Variants in PDGFRB observed in about 807,000 individuals in gnomAD.
PDGFRB encodes the protein platelet derived growth factor receptor beta.
In PDGFRB, 42 loss-of-function variants were observed where a neutral mutation model predicts 120.2. The observed-to-expected ratio is 0.35, with a 90% CI of 0.27 to 0.45. The LOEUF is 0.45. PDGFRB is among the 20% of genes least tolerant of loss of function. PDGFRB has a pLI of 1.00. For missense variants in PDGFRB, 1,149 were observed against 1,476.3 expected (o/e 0.78, Z 3.63); for synonymous variants, 586 against 606.8 (o/e 0.97, Z 0.50).
chr5:150,118,224 C>G (rs1038561401), intron 21 of PDGFRB, among the ~76,000 whole-genome samples: 2 of 152,126 alleles, frequency 1.3e-5, no homozygotes, highest in Non-Finnish European at 2.9e-5. Context: ...CTGGGACCAT[C>G]CCCGGGGGGC....
At position 150,137,418 on chromosome 5, in the gene PDGFRB, C is replaced by G. The variant is rs558243316; in HGVS notation, c.-6-365G>C. 8 of 197,592 alleles carry G rather than the reference C, an allele frequency of 4.0e-5. No homozygotes were observed. In the South Asian group the frequency reaches 1.1e-3, roughly 27 times the overall value. The allele number at this position is 197,592 out of a possible 1,614,324, so 12.2% of individuals were successfully genotyped here. A position where few individuals can be genotyped will look rare whatever the true frequency, so the allele number is the denominator to read the frequency against. Reference sequence around the variant, plus strand: ...AGCCTACCAGCTCTGACAGCCTGTCCTCCGGGTGACAGTTCCAATACCAGG... The same window carrying G: ...AGCCTACCAGCTCTGACAGCCTGTCGTCCGGGTGACAGTTCCAATACCAGG... On this transcript the variant is annotated intron_variant, in intron 1 of 22. Coordinates refer to ENST00000261799, the MANE Select transcript of PDGFRB (RefSeq NM_002609.4).
intron 1 of PDGFRB, among the ~76,000 whole-genome samples, chr5:150,140,668 C>A (rs548540884): frequency 6.6e-6 from 1 of 151,502 alleles, no homozygotes; most frequent in Non-Finnish European, 1.5e-5. Flanking sequence ...TCTAGGGGAG[C>A]GGAGTAAGGA....
intron 1 of PDGFRB, 81 bp from the exon 2 acceptor site, chr5:150,137,134 A>G: frequency 8.1e-7 from 1 of 1,231,126 alleles, no homozygotes; most frequent in South Asian, 1.3e-5. Flanking sequence ...CTCCTGCAGA[A>G]TGAGCCCCAG....
intron 21 of PDGFRB, 85 bp from the exon 22 acceptor site, chr5:150,117,935 C>T: frequency 1.3e-6 from 1 of 758,338 alleles, no homozygotes; most frequent in Non-Finnish European, 2.2e-6. Context: ...AGCCCATCCC[C>T]CTTTGTATAA....
At chr5:150,130,783 G>A (rs1408778786) in intron 8 of PDGFRB, 121 bp from the exon 9 acceptor site, 2 of 807,630 alleles carry the variant, frequency 2.5e-6, no homozygotes, top group South Asian at 1.5e-5. Flanking sequence ...GACTGCAGGT[G>A]AACATTAAAT....
chr5:150,121,026 G>C lies in PDGFRB; in HGVS notation c.2464-16C>G, dbSNP rs780677295. 1.2e-6 allele frequency: 2 copies of C among 1,613,512 alleles called. No homozygotes were observed. The highest frequency in any genetic ancestry group is 4.5e-5 in the East Asian group (2 of 44,882). ...TGTGGACGCACTGGGTTTGGGGAGA[G>C]GGGAGCTGAGGCCTTGGGGACAATT... On this transcript the variant is annotated splice_polypyrimidine_tract_variant and intron_variant, in intron 17 of 22. Transcript: ENST00000261799. This position sits in a 1 kb window ranked among gnomAD's most constrained non-coding sequence, Gnocchi z 4.1.
At position 150,132,902 on chromosome 5, in the gene PDGFRB, T is replaced by C; in HGVS notation, c.975A>G (p.Leu325=). The C allele has an allele frequency of 1.3e-6, 2 of 1,584,860 alleles. No individual in the cohort carries two copies. The highest frequency in any genetic ancestry group is 8.6e-7 in the Non-Finnish European group (1 of 1,166,758). The change falls in exon 7 of 23, where the codon CTA becomes CTG. Residue 325 remains leucine (L), a synonymous_variant. Transcript: ENST00000261799. This position sits in a 1 kb window ranked among gnomAD's most constrained non-coding sequence, Gnocchi z 5.0. Reference sequence around the variant, plus strand: ...GGCTCCGATGCAGCTCAGCAAATTGTAGTGTGCCCACCTCTCCCAGGAGCC... The same window carrying C: ...GGCTCCGATGCAGCTCAGCAAATTGCAGTGTGCCCACCTCTCCCAGGAGCC... ...YVRLLGEVGT[L]QFAELHRSRT... is the part of the protein sequence containing the mutation.
chr5:150,147,561 G>A (rs73277765), intron 1 of PDGFRB, among the ~76,000 whole-genome samples: 3,617 of 152,336 alleles, frequency 0.024, 170 homozygotes, highest in African/African-American at 0.083. Flanking sequence ...CCCAGGGCCT[G>A]CAAATAGGGG....
chr5:150,115,647 A>G lies in PDGFRB; in HGVS notation c.*116T>C, dbSNP rs1759903710. ...ACGTCAGGAGCAGAAAGCTTCCAGAAGGGGACAGCTGATAAGGGCAGCCTG... is the reference window on the plus strand; with the variant it reads ...ACGTCAGGAGCAGAAAGCTTCCAGAGGGGGACAGCTGATAAGGGCAGCCTG... On this transcript the variant is annotated 3_prime_UTR_variant, in exon 23 of 23. Coordinates refer to ENST00000261799, the MANE Select transcript of PDGFRB (RefSeq NM_002609.4). 1 of 970,748 alleles carries G rather than the reference A, an allele frequency of 1.0e-6. No individual in the cohort carries two copies. The highest frequency in any genetic ancestry group is 1.5e-6 in the Non-Finnish European group (1 of 686,990). The allele number at this position is 970,748 out of a possible 1,614,324, so 60.1% of individuals were successfully genotyped here. A position where few individuals can be genotyped will look rare whatever the true frequency, so the allele number is the denominator to read the frequency against.
At chr5:150,116,964 G>C (rs997900717) in intron 22 of PDGFRB, among the ~76,000 whole-genome samples, 4 of 152,234 alleles carry the variant, frequency 2.6e-5, no homozygotes, top group African/African-American at 9.6e-5. Flanking sequence ...CCTTGGGCTG[G>C]ATCTCGCTTT....
chr5:150,154,644 G>A (rs1419498232), intron 1 of PDGFRB, among the ~76,000 whole-genome samples: 2 of 152,218 alleles, frequency 1.3e-5, no homozygotes, highest in Non-Finnish European at 2.9e-5. Context: ...ATGGCATGGA[G>A]AAGGGGTAGA....
In PDGFRB at chr5:150,134,145, G is replaced by A. The variant is rs556878979; in HGVS notation, c.632-137C>T. ...TTCATTCATTCAACAAATATTTACT[G>A]AATACCTACTACATGCCAAGTACTA... On this transcript the variant is annotated intron_variant, in intron 4 of 22. Coordinates refer to ENST00000261799, the MANE Select transcript of PDGFRB (RefSeq NM_002609.4). The A allele has an allele frequency of 1.4e-5, 11 of 783,542 alleles. No individual in the cohort carries two copies. The East Asian group carries it at 2.5e-4, about 17-fold the overall frequency. The allele number at this position is 783,542 out of a possible 1,614,324, so 48.5% of individuals were successfully genotyped here.
chr5:150,155,444 A>T lies in PDGFRB; in HGVS notation c.-54T>A. On this transcript the variant is annotated 5_prime_UTR_variant, in exon 1 of 23. Coordinates refer to ENST00000261799, the MANE Select transcript of PDGFRB (RefSeq NM_002609.4). ...GTGGGCACAGTTCCAGGCTCTGGAC[A>T]GTCACCCCCTCCAGGAAGTCCTCCT... The T allele has an allele frequency of 2.5e-6, 1 of 396,878 alleles. No individual in the cohort carries two copies. The highest frequency in any genetic ancestry group is 4.4e-6 in the Non-Finnish European group (1 of 225,644). 24.6% of individuals were successfully genotyped at this position (396,878 alleles called of 1,614,324 possible).
rs144443217 is a variant in PDGFRB at position 150,142,520 on chromosome 5, G to A, written c.-6-5467C>T. 4.1e-3 allele frequency among the ~76,000 whole-genome samples: 621 copies of A among 152,248 alleles called. 7 individuals carry two copies. Among genetic ancestry groups the A allele is most frequent in the African/African-American group, 9.9e-3 (413 of 41,538 alleles). On this transcript the variant is annotated intron_variant, in intron 1 of 22. Transcript: ENST00000261799. Reference sequence around the variant, plus strand: ...GACCCAGTCCAGTCTTCTGTTCTCCGTACCGGGGCACTTTACAGGCCTGGG... The same window carrying A: ...GACCCAGTCCAGTCTTCTGTTCTCCATACCGGGGCACTTTACAGGCCTGGG...
chr5:150,138,455 CA>C (rs1269781321), intron 1 of PDGFRB, among the ~76,000 whole-genome samples: 1 of 152,218 alleles, frequency 6.6e-6, no homozygotes, highest in Middle Eastern at 3.2e-3. Flanking sequence ...ATTCACATGT[CA>C]GGGGTGGGAC....
chr5:150,121,042 G>C lies in PDGFRB; in HGVS notation c.2464-32C>G. On this transcript the variant is annotated intron_variant, in intron 17 of 22. Transcript: ENST00000261799. This position sits in a 1 kb window ranked among gnomAD's most constrained non-coding sequence, Gnocchi z 4.1. Reference sequence around the variant, plus strand: ...TTGGGGAGAGGGGAGCTGAGGCCTTGGGGACAATTGTGGGGAAAGACCCTT... The same window carrying C: ...TTGGGGAGAGGGGAGCTGAGGCCTTCGGGACAATTGTGGGGAAAGACCCTT... 1 of 1,611,878 alleles carries C rather than the reference G, an allele frequency of 6.2e-7. No homozygotes were observed. Among genetic ancestry groups the C allele is most frequent in the African/African-American group, 1.3e-5 (1 of 74,984 alleles).
rs1369166054 is a variant in PDGFRB at position 150,117,536 on chromosome 5, GCGCGCGCGCA to G, written c.3137+72_3137+81del. 966 of 677,388 alleles carry G rather than the reference GCGCGCGCGCA, an allele frequency of 1.4e-3. 3 individuals carry two copies. In the African/African-American group the frequency reaches 0.021, roughly 15 times the overall value. The allele number at this position is 677,388 out of a possible 1,614,324, so 42.0% of individuals were successfully genotyped here. ...CTGAGGCAAACCTGGCAGCGCGCGCGCGCGCGCGCACACACACACACACACACACACACAC... is the reference window on the plus strand; with the variant it reads ...CTGAGGCAAACCTGGCAGCGCGCGCGCACACACACACACACACACACACAC... On this transcript the variant is annotated intron_variant, in intron 22 of 22. Transcript: ENST00000261799.
chr5:150,126,953 A>C (rs908128374), intron 10 of PDGFRB, among the ~76,000 whole-genome samples: 15 of 152,160 alleles, frequency 9.9e-5, no homozygotes, highest in African/African-American at 3.6e-4. Context: ...ACCTCCCATT[A>C]GCCCTGGAGC....
At position 150,122,239 on chromosome 5, in the gene PDGFRB, A is replaced by T. The variant is rs1456773647; in HGVS notation, c.2184-199T>A. The stretch of plus-strand genomic sequence containing the variant: ...GCTGGGCACTGAGGCTACCAAAATG[A>T]CAGTTAGAACCCAGAGAGCTCACAC... On this transcript the variant is annotated intron_variant, in intron 15 of 22. Transcript: ENST00000261799. 2.3e-5 allele frequency: 13 copies of T among 572,290 alleles called. No individual in the cohort carries two copies. In the East Asian group the frequency reaches 2.9e-4, roughly 13 times the overall value. The allele number at this position is 572,290 out of a possible 1,614,324, so 35.5% of individuals were successfully genotyped here. A position where few individuals can be genotyped will look rare whatever the true frequency, so the allele number is the denominator to read the frequency against.
Sources: gnomAD v4.1 joint callset for allele counts (sites outside exome capture counted in the v4.1 genomes callset) on GRCh38, gnomAD v4.1.1 for gene constraint, Gnocchi (gnomAD v3.1) non-coding constraint, MANE v1.5 for transcripts, NCBI Gene and HGNC (gene_info 2026-07-23, HGNC 2026-07-21) for gene names.